The following ZNF83 variants were observed in gnomAD, a reference collection of about 807,000 sequenced individuals.
ZNF83 encodes zinc finger protein 83.
For missense variants in ZNF83, 552 were observed against 629.9 expected, an observed-to-expected ratio of 0.88 and a Z score of 1.32; for synonymous variants, 209 against 213.0, an observed-to-expected ratio of 0.98 and a Z score of 0.17.
intron 2 of ZNF83, among the ~76,000 whole-genome samples, chr19:52,620,710 C>T (rs969372210): frequency 6.6e-5 from 10 of 152,332 alleles, no homozygotes; most frequent in East Asian, 1.9e-4. Flanking sequence ...CAAGTCTGCA[C>T]GTATACATCC....
At chr19:52,632,672 T>G (rs532507248) in intron 2 of ZNF83, among the ~76,000 whole-genome samples, 54 of 152,158 alleles carry the variant, frequency 3.5e-4, no homozygotes, top group Middle Eastern at 3.4e-3. Flanking sequence ...AAGGCTATGC[T>G]GAACCTCCTT....
chr19:52,616,255 G>C (rs1372767085), intron 2 of ZNF83, among the ~76,000 whole-genome samples: 1 of 152,188 alleles, frequency 6.6e-6, no homozygotes, highest in Admixed American at 6.5e-5. Flanking sequence ...TTTTCAAATA[G>C]AGTAGGTCCA....
intron 1 of ZNF83, among the ~76,000 whole-genome samples, chr19:52,677,329 A>AT (rs1555791129): frequency 0.089 from 11,437 of 128,868 alleles, 876 homozygotes; most frequent in East Asian, 0.37. Flanking sequence ...AAAAAAAAAA[A>AT]ACAAAAATTA....
chr19:52,674,768 T>C (rs577095002), intron 1 of ZNF83, among the ~76,000 whole-genome samples: 7 of 152,320 alleles, frequency 4.6e-5, no homozygotes, highest in South Asian at 4.1e-4. Context: ...ATTAAAAACA[T>C]AGAGATACAA....
intron 1 of ZNF83, among the ~76,000 whole-genome samples, chr19:52,664,293 C>T (rs116948305): frequency 0.031 from 4,742 of 151,384 alleles, 117 homozygotes; most frequent in Non-Finnish European, 0.048. Context: ...CCCTAGAGTT[C>T]GAGACCAGCC....
Position 52,678,275 on chromosome 19 carries a change from A to AC in ZNF83, c.-283+12167dup, listed in dbSNP as rs796834628. Among the ~76,000 whole-genome samples, 147 of 151,048 alleles carry AC rather than the reference A, an allele frequency of 9.7e-4. 2 individuals are homozygous for AC. The highest frequency in any genetic ancestry group is 3.1e-3 in the African/African-American group (129 of 41,024). On this transcript the variant is annotated intron_variant, in intron 1 of 5. Coordinates refer to the ZNF83 transcript ENST00000594682. ...AGACCAGACTGGCCAAGATGGTGAA[A>AC]CCCCGTCTTACTAAAAATATAAAAA...
At chr19:52,653,295 AC>A in intron 3 of ZNF83, 1 of 1,364,686 alleles carries the variant, frequency 7.3e-7, no homozygotes, top group Non-Finnish European at 1.0e-6. Flanking sequence ...TAAAAACCTT[AC>A]CACATTCATT....
upstream of ZNF83, among the ~76,000 whole-genome samples, chr19:52,640,854 T>C (rs2061293930): frequency 3.3e-5 from 5 of 152,188 alleles, no homozygotes. Context: ...TTGTTTTATC[T>C]TCGATTGTCT....
At chr19:52,631,125 G>A (rs1201829470) in intron 2 of ZNF83, among the ~76,000 whole-genome samples, 2 of 125,956 alleles carry the variant, frequency 1.6e-5, no homozygotes, top group Middle Eastern at 4.1e-3. Flanking sequence ...ATTACCTGGG[G>A]CTGTACTGCC....
rs1026877326 is a variant in ZNF83, at chr19:52,643,598, G to A, written c.-73-8445C>T. 2.6e-5 allele frequency among the ~76,000 whole-genome samples: 4 copies of A among 152,084 alleles called. 1 individual carries two copies. Among genetic ancestry groups the A allele is most frequent in the Admixed American group, 2.6e-4 (4 of 15,280 alleles). ...CACCTGTAGTCCCAGCTACTCGGGA[G>A]GCTGAGGCAGGAGAATTGCTTGAAC... is the stretch of plus-strand genomic sequence containing the variant. On this transcript the variant is annotated intron_variant, in intron 3 of 5. Transcript: ENST00000594682.
intron 2 of ZNF83, among the ~76,000 whole-genome samples, chr19:52,659,464 C>T (rs1568569102): frequency 6.6e-6 from 1 of 152,030 alleles, no homozygotes; most frequent in Non-Finnish European, 1.5e-5. Flanking sequence ...GGCTACTGGT[C>T]GGAAACACAG....
intron 1 of ZNF83, chr19:52,636,225 G>A (rs929521374): frequency 6.6e-6 from 1 of 152,066 alleles, no homozygotes; most frequent in African/African-American, 2.4e-5. Flanking sequence ...TGACGTAGGA[G>A]GATTACTTGA....
chr19:52,624,121 TTCAGCCAAGCTCTTTC>T (rs2147116135), intron 2 of ZNF83, among the ~76,000 whole-genome samples: 1 of 152,334 alleles, frequency 6.6e-6, no homozygotes, highest in East Asian at 1.9e-4. Context: ...CCCTCATTAC[TTCAGCCAAGCTCTTTC>T]TCATGATTTA....
chr19:52,664,576 T>C (rs901624812), intron 1 of ZNF83, among the ~76,000 whole-genome samples: 1 of 152,030 alleles, frequency 6.6e-6, no homozygotes, highest in African/African-American at 2.4e-5. Context: ...CACGAACTTT[T>C]AAGTCCACGC....
chr19:52,654,223 C>T, intron 3 of ZNF83: 2 of 1,584,712 alleles, frequency 1.3e-6, no homozygotes, highest in South Asian at 1.1e-5. Flanking sequence ...TGCTTCATGG[C>T]CATTTCTTTT....
At chr19:52,618,941 G>T (rs1290878463) in intron 2 of ZNF83, 1 of 1,547,516 alleles carries the variant, frequency 6.5e-7, no homozygotes, top group African/African-American at 1.4e-5. Flanking sequence ...CTCACCCAGG[G>T]AGACCAGGTT....
At chr19:52,684,565 A>AAG (rs10692686) in intron 1 of ZNF83, among the ~76,000 whole-genome samples, 1 of 148,622 alleles carries the variant, frequency 6.7e-6, no homozygotes, top group East Asian at 2.0e-4. Context: ...AGAAAAAAAA[A>AAG]GGAAAGAAAG....
At chr19:52,614,823 T>G in intron 2 of ZNF83, 26 bp from the exon 3 acceptor site, 1 of 1,262,672 alleles carries the variant, frequency 7.9e-7, no homozygotes, top group Non-Finnish European at 1.0e-6. Context: ...ATCCCACAGT[T>G]TCCAATTAAT....
At chr19:52,668,526 G>T (rs12974376) in intron 1 of ZNF83, among the ~76,000 whole-genome samples, 13,287 of 152,100 alleles carry the variant, frequency 0.087, 620 homozygotes, top group Non-Finnish European at 0.11. Context: ...CTTCTTTAGG[G>T]TGTGCTTTTT....
Sources: gnomAD v4.1 joint callset for allele counts (sites outside exome capture counted in the v4.1 genomes callset) on GRCh38, gnomAD v4.1.1 for gene constraint, MANE v1.5 for transcripts, NCBI Gene and HGNC (gene_info 2026-07-23, HGNC 2026-07-21) for gene names.